The following ZCCHC7 variants were observed in gnomAD, a reference collection of about 807,000 sequenced individuals.
ZCCHC7 encodes zinc finger CCHC-type containing 7, also known as zinc finger CCHC domain-containing protein 7.
ZCCHC7 carries 35 observed loss-of-function variants against 52.0 expected under a neutral mutation model. The observed-to-expected ratio is 0.67, with a 90% CI of 0.51 to 0.89. The LOEUF (loss-of-function observed/expected upper bound fraction) is 0.89. Among genes scored for constraint, ZCCHC7 ranks in the 40% least tolerant of loss-of-function variants. ZCCHC7 has a pLI of 0.00. For missense variants in ZCCHC7, 574 were observed against 649.1 expected (o/e 0.88, Z 1.26); for synonymous variants, 217 against 221.5 (o/e 0.98, Z 0.18).
intron 2 of ZCCHC7, among the ~76,000 whole-genome samples, chr9:37,156,332 T>C (rs1388478673): frequency 6.6e-6 from 1 of 152,206 alleles, no homozygotes; most frequent in Non-Finnish European, 1.5e-5. Flanking sequence ...GCCATTATGG[T>C]TTAATATGTT....
At chr9:37,355,613 A>G (rs972611797) in intron 8 of ZCCHC7, among the ~76,000 whole-genome samples, 1 of 152,232 alleles carries the variant, frequency 6.6e-6, no homozygotes, top group African/African-American at 2.4e-5. Flanking sequence ...ATCTACAGCT[A>G]TCCCTGGATA....
rs1842260168 is a variant in ZCCHC7, at chr9:37,120,596, T to C, written c.-49T>C. On this transcript the variant is annotated 5_prime_UTR_variant, in exon 1 of 9. Transcript: ENST00000336755. ...TCCCTCTACGCGTTTTGGTTCCCGG[T>C]TGGTGCTTCCTGTTCGCAGCTGCGG... 2.5e-6 allele frequency: 1 copy of C among 398,626 alleles called. No individual in the cohort carries two copies. Among genetic ancestry groups the C allele is most frequent in the Non-Finnish European group, 4.4e-6 (1 of 225,838 alleles). 24.7% of individuals were successfully genotyped at this position (398,626 alleles called of 1,614,324 possible). A position where few individuals can be genotyped will look rare whatever the true frequency, so the allele number is the denominator to read the frequency against.
chr9:37,301,935 A>C, intron 2 of ZCCHC7, among the ~76,000 whole-genome samples: 1 of 152,166 alleles, frequency 6.6e-6, no homozygotes, highest in East Asian at 1.9e-4. Context: ...TTATTCTCAC[A>C]GGACTTTTTA....
intron 2 of ZCCHC7, among the ~76,000 whole-genome samples, chr9:37,127,733 T>G (rs1276924450): frequency 6.6e-6 from 1 of 152,236 alleles, no homozygotes; most frequent in Non-Finnish European, 1.5e-5. Context: ...TCATAGTACT[T>G]TATTGCTGCT....
chr9:37,244,248 GAAAA>G (rs745683940), intron 2 of ZCCHC7, among the ~76,000 whole-genome samples: 2 of 119,468 alleles, frequency 1.7e-5, no homozygotes, highest in African/African-American at 3.1e-5. Context: ...TTCGTTTAAA[GAAAA>G]AAAAAAAAAG....
At chr9:37,206,137 G>T (rs571439894) in intron 2 of ZCCHC7, among the ~76,000 whole-genome samples, 1 of 152,022 alleles carries the variant, frequency 6.6e-6, no homozygotes, top group Non-Finnish European at 1.5e-5. Context: ...GGTAGGTTTT[G>T]TGTGGAAAGC....
At chr9:37,176,745 G>A (rs1328553469) in intron 2 of ZCCHC7, among the ~76,000 whole-genome samples, 1 of 152,128 alleles carries the variant, frequency 6.6e-6, no homozygotes, top group East Asian at 1.9e-4. Context: ...AAACAGCATT[G>A]CAGTGTTCCT....
chr9:37,126,253 T>G, intron 1 of ZCCHC7, 59 bp from the exon 2 acceptor site: 1 of 1,474,668 alleles, frequency 6.8e-7, no homozygotes, highest in Non-Finnish European at 9.1e-7. Context: ...TATTGTTACT[T>G]AAACTGGCAT....
At chr9:37,304,603 C>G (rs1233028808) in intron 4 of ZCCHC7, among the ~76,000 whole-genome samples, 16 of 150,676 alleles carry the variant, frequency 1.1e-4, no homozygotes, top group Admixed American at 7.9e-4. Context: ...CTTGCGGTAA[C>G]AGAGATCACA....
chr9:37,331,481 G>A (rs1438514480), intron 6 of ZCCHC7, among the ~76,000 whole-genome samples: 2 of 151,456 alleles, frequency 1.3e-5, no homozygotes, highest in Admixed American at 6.6e-5. Context: ...TACAGAGTGG[G>A]TACCCCTAAA....
intron 2 of ZCCHC7, among the ~76,000 whole-genome samples, chr9:37,149,446 C>G (rs1843589177): frequency 6.6e-6 from 1 of 151,980 alleles, no homozygotes; most frequent in Non-Finnish European, 1.5e-5. Flanking sequence ...ACCCCCCTGT[C>G]CCCAACAAAC....
intron 6 of ZCCHC7, among the ~76,000 whole-genome samples, chr9:37,328,739 A>G (rs1830343986): frequency 6.6e-6 from 1 of 151,996 alleles, no homozygotes; most frequent in Admixed American, 6.6e-5. Flanking sequence ...CATTCTCCTT[A>G]GAGAAATAAA....
intron 2 of ZCCHC7, among the ~76,000 whole-genome samples, chr9:37,246,547 T>C (rs886557334): frequency 2.0e-5 from 3 of 152,200 alleles, no homozygotes; most frequent in African/African-American, 7.2e-5. Context: ...CTAAACACAT[T>C]GCTATAAAAC....
intron 2 of ZCCHC7, among the ~76,000 whole-genome samples, chr9:37,290,409 A>G (rs1315033399): frequency 6.6e-6 from 1 of 152,140 alleles, no homozygotes; most frequent in Non-Finnish European, 1.5e-5. Flanking sequence ...TAATCCCAGC[A>G]CTTTTGGAGA....
At chr9:37,341,610 T>C (rs1820643383) in intron 6 of ZCCHC7, among the ~76,000 whole-genome samples, 1 of 152,016 alleles carries the variant, frequency 6.6e-6, no homozygotes. Context: ...GAGTTTTGTT[T>C]GGTTGGTTGG....
intron 2 of ZCCHC7, among the ~76,000 whole-genome samples, chr9:37,264,265 C>G (rs1826995405): frequency 6.6e-6 from 1 of 152,024 alleles, no homozygotes; most frequent in Non-Finnish European, 1.5e-5. Flanking sequence ...CAATAAATGG[C>G]ATACAAATGT....
intron 2 of ZCCHC7, among the ~76,000 whole-genome samples, chr9:37,210,136 A>G (rs1420408520): frequency 6.6e-6 from 1 of 151,710 alleles, no homozygotes; most frequent in Non-Finnish European, 1.5e-5. Flanking sequence ...TCTTCCCTCT[A>G]GTGGCTGGCT....
intron 3 of ZCCHC7, among the ~76,000 whole-genome samples, chr9:37,303,937 A>G (rs956755382): frequency 1.3e-5 from 2 of 152,164 alleles, no homozygotes; most frequent in African/African-American, 4.8e-5. Flanking sequence ...TGCTGGGATT[A>G]CAGGCATGAG....
intron 7 of ZCCHC7, among the ~76,000 whole-genome samples, chr9:37,353,081 A>AAAAG (rs200664015): frequency 0.051 from 7,729 of 152,268 alleles, 633 homozygotes; most frequent in African/African-American, 0.17. Flanking sequence ...TACTGAAAGA[A>AAAAG]AAAAGGTACT....
Sources: gnomAD v4.1 joint callset for allele counts (sites outside exome capture counted in the v4.1 genomes callset) on GRCh38, gnomAD v4.1.1 for gene constraint, MANE v1.5 for transcripts, NCBI Gene and HGNC (gene_info 2026-07-23, HGNC 2026-07-21) for gene names.